Variants in RDX observed in about 807,000 individuals in gnomAD.
The protein encoded by RDX is deafness, autosomal recessive 24.
RDX carries 32 observed loss-of-function variants against 83.7 expected under a neutral mutation model. The observed-to-expected ratio is 0.38, with a 90% CI of 0.29 to 0.51. The LOEUF (loss-of-function observed/expected upper bound fraction) is 0.51. RDX is among the 20% of genes least tolerant of loss of function. The pLI is 0.87. For synonymous variants in RDX, 229 were observed against 222.7 expected, an observed-to-expected ratio of 1.03 and a Z score of -0.25; for missense variants, 600 against 689.9, an observed-to-expected ratio of 0.87 and a Z score of 1.46.
Position 110,277,518 on chromosome 11 carries a change from C to G in RDX, c.12+2163G>C, listed in dbSNP as rs566741855. ...TACTTTCAGTAGAGATGGGGTTTCA[C>G]CATGTTGGCCAGGCTGGTCTCGAAC... On this transcript the variant is annotated intron_variant, in intron 2 of 13. Transcript: ENST00000645495. 3.3e-5 allele frequency among the ~76,000 whole-genome samples: 5 copies of G among 152,210 alleles called. No individual in the cohort carries two copies. The South Asian group carries it at 1.0e-3, about 32-fold the overall frequency.
chr11:110,184,471 G>C (rs147004645), intron 15 of RDX, among the ~76,000 whole-genome samples: 127 of 152,340 alleles, frequency 8.3e-4, no homozygotes, highest in African/African-American at 2.8e-3. Context: ...AGAGAGCAAG[G>C]CACGGGCCTC....
intron 15 of RDX, chr11:110,179,903 CT>C (rs528601645): frequency 0.058 from 20,420 of 353,600 alleles, 4 homozygotes; most frequent in South Asian, 0.091. Context: ...TTTCTTTTTT[CT>C]TTTTTTTTTT....
chr11:110,222,183 T>A (rs777693656), intron 14 of RDX, among the ~76,000 whole-genome samples: 1 of 152,192 alleles, frequency 6.6e-6, no homozygotes, highest in Admixed American at 6.5e-5. Flanking sequence ...CAGACAACAT[T>A]TTCCTATCTG....
intron 14 of RDX, among the ~76,000 whole-genome samples, chr11:110,203,708 T>C (rs1445541540): frequency 6.6e-6 from 1 of 151,988 alleles, no homozygotes; most frequent in Non-Finnish European, 1.5e-5. Context: ...AGTAGCATCA[T>C]CTACAAAAAA....
At chr11:110,253,085 G>T (rs886722245) in intron 9 of RDX, among the ~76,000 whole-genome samples, 3 of 152,050 alleles carry the variant, frequency 2.0e-5, no homozygotes, top group Non-Finnish European at 4.4e-5. Context: ...CTCTTACACA[G>T]AACAGTTGTT....
chr11:110,201,566 A>C (rs978690727), intron 14 of RDX, among the ~76,000 whole-genome samples: 1 of 152,330 alleles, frequency 6.6e-6, no homozygotes. Context: ...GGCAGCAGCA[A>C]CTGAAGGGTA....
intron 14 of RDX, among the ~76,000 whole-genome samples, chr11:110,223,266 T>C (rs903937248): frequency 1.3e-5 from 2 of 152,194 alleles, no homozygotes; most frequent in Non-Finnish European, 1.5e-5. Flanking sequence ...GGCAGAAGAA[T>C]GGCGTGAACC....
chr11:110,292,460 ACT>A (rs145133588), intron 1 of RDX, among the ~76,000 whole-genome samples: 5,593 of 151,860 alleles, frequency 0.037, 201 homozygotes, highest in African/African-American at 0.083. Context: ...ACAGAGGAAG[ACT>A]CTGTTTTCAA....
downstream of RDX, among the ~76,000 whole-genome samples, chr11:110,226,558 T>C (rs751543989): frequency 1.2e-4 from 18 of 152,012 alleles, no homozygotes; most frequent in Non-Finnish European, 2.2e-4. Context: ...ATGGTGGTGA[T>C]GGTTACACAA....
intron 15 of RDX, among the ~76,000 whole-genome samples, chr11:110,190,534 G>A (rs151150045): frequency 1.3e-5 from 2 of 152,084 alleles, no homozygotes; most frequent in African/African-American, 2.4e-5. Context: ...GATACCTACA[G>A]GAACTAGAAA....
intron 3 of RDX, among the ~76,000 whole-genome samples, chr11:110,270,131 T>C (rs1256305836): frequency 2.6e-5 from 4 of 152,132 alleles, no homozygotes; most frequent in Non-Finnish European, 5.9e-5. Flanking sequence ...TGCGTGTGTG[T>C]GTGTGTAGTC....
intron 1 of RDX, 49 bp from the exon 2 acceptor site, chr11:110,279,805 C>A: frequency 7.8e-6 from 5 of 642,548 alleles, no homozygotes; most frequent in South Asian, 3.7e-5. Flanking sequence ...TATAAGGTTT[C>A]TATTTTAACT....
chr11:110,284,856 CA>C (rs1442898062), intron 1 of RDX, among the ~76,000 whole-genome samples: 1 of 152,066 alleles, frequency 6.6e-6, no homozygotes, highest in Non-Finnish European at 1.5e-5. Context: ...TGTCTGAATA[CA>C]CAGAAAGTTA....
intron 15 of RDX, among the ~76,000 whole-genome samples, chr11:110,178,897 C>G (rs1481971627): frequency 6.6e-6 from 1 of 152,178 alleles, no homozygotes; most frequent in Non-Finnish European, 1.5e-5. Flanking sequence ...TTGCTGAATG[C>G]CTTCAGCCAT....
At chr11:110,220,628 A>C (rs1864210452) in intron 14 of RDX, among the ~76,000 whole-genome samples, 1 of 152,142 alleles carries the variant, frequency 6.6e-6, no homozygotes, top group Admixed American at 6.6e-5. Flanking sequence ...CCTCCTGAGT[A>C]GCTGGGATTA....
chr11:110,212,635 C>A, intron 14 of RDX, among the ~76,000 whole-genome samples: 3 of 73,016 alleles, frequency 4.1e-5, no homozygotes, highest in African/African-American at 1.1e-4. Context: ...AGCTTATCCA[C>A]CATGATCAAG....
At chr11:110,223,465 T>C (rs1250135773) in intron 14 of RDX, among the ~76,000 whole-genome samples, 3 of 151,880 alleles carry the variant, frequency 2.0e-5, no homozygotes, top group Admixed American at 6.6e-5. Context: ...GAGGTGAAAG[T>C]TGCAGTGCAC....
In RDX at chr11:110,221,485, C is replaced by G. The variant is rs1296888332; in HGVS notation, c.1748+10388G>C. Among the ~76,000 whole-genome samples, 4 of 152,016 alleles carry G rather than the reference C, an allele frequency of 2.6e-5. No individual in the cohort carries two copies. In the East Asian group the frequency reaches 7.7e-4, roughly 29 times the overall value. On this transcript the variant is annotated intron_variant, in intron 14 of 15. Transcript: ENST00000528498. ...TGGTGGCACATGCCTGTGCTCCCAG[C>G]TATTCAGGTGGCTGAGGCAGAAGGA...
intron 15 of RDX, among the ~76,000 whole-genome samples, chr11:110,194,107 G>A (rs932991436): frequency 6.6e-6 from 1 of 152,226 alleles, no homozygotes; most frequent in Non-Finnish European, 1.5e-5. Context: ...TAAAAGGTGA[G>A]AGTAAGAACA....
Sources: allele counts gnomAD v4.1 joint callset (sites outside exome capture counted in the v4.1 genomes callset), GRCh38; gene constraint gnomAD v4.1.1; transcripts MANE v1.5; gene names NCBI Gene and HGNC (gene_info 2026-07-23, HGNC 2026-07-21).